Variants in VAV3 observed in about 807,000 individuals in gnomAD.
The protein encoded by VAV3 is vav guanine nucleotide exchange factor 3, also known as guanine nucleotide exchange factor VAV3.
A neutral mutation model predicts 131.2 loss-of-function variants in VAV3; 94 were observed. The ratio of observed to expected loss-of-function variants is 0.72; its 90% CI spans 0.61 to 0.85. VAV3 has a LOEUF of 0.85. Among genes scored for constraint, VAV3 ranks in the 40% least tolerant of loss-of-function variants. The pLI is 0.00. For synonymous variants in VAV3, 349 were observed against 342.0 expected, an observed-to-expected ratio of 1.02 and a Z score of -0.22; for missense variants, 939 against 1,002.7, an observed-to-expected ratio of 0.94 and a Z score of 0.86.
chr1:107,928,894 TATA>T (rs980982967), intron 1 of VAV3, among the ~76,000 whole-genome samples: 2 of 152,006 alleles, frequency 1.3e-5, no homozygotes, highest in African/African-American at 2.4e-5. Flanking sequence ...GATATCCAAG[TATA>T]ATAAGGTTCT....
intron 6 of VAV3, among the ~76,000 whole-genome samples, chr1:107,770,172 G>A (rs1664959954): frequency 6.6e-6 from 1 of 152,064 alleles, no homozygotes; most frequent in African/African-American, 2.4e-5. Context: ...TCTCGGGAAT[G>A]ATCTTCATTG....
At chr1:107,742,898 T>C (rs1470509183) in intron 15 of VAV3, among the ~76,000 whole-genome samples, 1 of 152,134 alleles carries the variant, frequency 6.6e-6, no homozygotes, top group Non-Finnish European at 1.5e-5. Flanking sequence ...TATTACTCAC[T>C]TAGCATAGGG....
chr1:107,660,317 C>T (rs1315583757), intron 19 of VAV3, among the ~76,000 whole-genome samples: 1 of 152,168 alleles, frequency 6.6e-6, no homozygotes, highest in African/African-American at 2.4e-5. Flanking sequence ...TTTTCTGCTA[C>T]ACAGTTATAT....
At chr1:107,736,122 A>G (rs1040654515) in intron 15 of VAV3, among the ~76,000 whole-genome samples, 1 of 152,228 alleles carries the variant, frequency 6.6e-6, no homozygotes. Flanking sequence ...GATTATCTCA[A>G]TAGATGCAGA....
intron 15 of VAV3, among the ~76,000 whole-genome samples, chr1:107,706,813 A>T (rs997068642): frequency 2.6e-5 from 4 of 152,176 alleles, no homozygotes; most frequent in African/African-American, 7.2e-5. Flanking sequence ...AAATTCATCA[A>T]CCTGGAGTTT....
intron 20 of VAV3, among the ~76,000 whole-genome samples, chr1:107,638,869 C>G (rs946046379): frequency 1.3e-5 from 2 of 151,862 alleles, no homozygotes; most frequent in Non-Finnish European, 2.9e-5. Context: ...CAGAAACAGA[C>G]CTACATATAC....
intron 1 of VAV3, among the ~76,000 whole-genome samples, chr1:107,928,009 G>A (rs1279418365): frequency 1.3e-5 from 2 of 152,166 alleles, no homozygotes; most frequent in Non-Finnish European, 2.9e-5. Flanking sequence ...AGTCCCGGTG[G>A]TGGTAGCCAG....
Position 107,857,999 on chromosome 1 carries a change from T to C in VAV3, c.321+16902A>G, listed in dbSNP as rs370028055. 7.2e-5 allele frequency among the ~76,000 whole-genome samples: 11 copies of C among 152,318 alleles called. No homozygotes were observed. The South Asian group carries it at 2.1e-3, about 29-fold the overall frequency. On this transcript the variant is annotated intron_variant, in intron 2 of 26. Coordinates refer to ENST00000370056, the MANE Select transcript of VAV3 (RefSeq NM_006113.5). ...TAACAAGTAATATATAGTAACAACA[T>C]AGGTAAAGAAAATGTTAATCCTGAA... is the stretch of plus-strand genomic sequence containing the variant.
At chr1:107,605,955 T>C (rs1412701141) in intron 22 of VAV3, among the ~76,000 whole-genome samples, 1 of 152,204 alleles carries the variant, frequency 6.6e-6, no homozygotes, top group Non-Finnish European at 1.5e-5. Flanking sequence ...TAATTTTCTC[T>C]GGAGCCTTTT....
chr1:107,850,044 G>A (rs1669148772), intron 2 of VAV3, among the ~76,000 whole-genome samples: 1 of 152,126 alleles, frequency 6.6e-6, no homozygotes, highest in Non-Finnish European at 1.5e-5. Context: ...CAGTTAGAAT[G>A]GCAATCATTA....
intron 1 of VAV3, among the ~76,000 whole-genome samples, chr1:107,916,695 A>C (rs1672636499): frequency 6.6e-6 from 1 of 152,202 alleles, no homozygotes; most frequent in Admixed American, 6.5e-5. Flanking sequence ...GGATGGTTGG[A>C]GTGTCTCTTT....
intron 1 of VAV3, among the ~76,000 whole-genome samples, chr1:107,886,469 G>T (rs1395154358): frequency 1.3e-5 from 2 of 152,196 alleles, no homozygotes; most frequent in Non-Finnish European, 2.9e-5. Context: ...CTAGACTTGT[G>T]TTCCATTCTA....
intron 2 of VAV3, among the ~76,000 whole-genome samples, chr1:107,812,538 G>T (rs1294691315): frequency 6.6e-6 from 1 of 151,740 alleles, no homozygotes; most frequent in African/African-American, 2.4e-5. Context: ...ATATATACAG[G>T]ACTATTTTTA....
At chr1:107,771,254 T>C (rs916383819) in intron 5 of VAV3, among the ~76,000 whole-genome samples, 1 of 53,510 alleles carries the variant, frequency 1.9e-5, no homozygotes, top group African/African-American at 6.8e-5. Context: ...TCTTGTCAGC[T>C]TTTTTTTTTT....
Position 107,597,413 on chromosome 1 carries a change from T to C in VAV3, c.2221-1072A>G, listed in dbSNP as rs116030215. 5.8e-3 allele frequency among the ~76,000 whole-genome samples: 884 copies of C among 152,288 alleles called. 9 individuals are homozygous for C. The highest frequency in any genetic ancestry group is 0.02 in the African/African-American group (850 of 41,558). ...TATTTATGACAAAACTTGAGTATGTTGTGGAATGCACTGTACCAGGAGCTT... is the reference window on the plus strand; with the variant it reads ...TATTTATGACAAAACTTGAGTATGTCGTGGAATGCACTGTACCAGGAGCTT... On this transcript the variant is annotated intron_variant, in intron 24 of 26. Coordinates refer to ENST00000370056, the MANE Select transcript of VAV3 (RefSeq NM_006113.5).
chr1:107,734,756 T>C (rs1165207530), intron 15 of VAV3, among the ~76,000 whole-genome samples: 1 of 152,030 alleles, frequency 6.6e-6, no homozygotes, highest in Admixed American at 6.6e-5. Context: ...CACACAACAA[T>C]AGGAGACTTT....
chr1:107,946,080 G>T (rs1334273311), intron 1 of VAV3, among the ~76,000 whole-genome samples: 2 of 152,124 alleles, frequency 1.3e-5, no homozygotes. Flanking sequence ...TTACAAAGGG[G>T]TTCACTCGAT....
chr1:107,817,751 A>G (rs926812095), intron 2 of VAV3, among the ~76,000 whole-genome samples: 12 of 152,146 alleles, frequency 7.9e-5, no homozygotes, highest in African/African-American at 2.9e-4. Flanking sequence ...ACCAGACAGG[A>G]CCACATCAGT....
At chr1:107,777,326 AAAAC>A (rs765690841) in intron 3 of VAV3, 30 bp from the exon 4 acceptor site, 21 of 1,602,268 alleles carry the variant, frequency 1.3e-5, no homozygotes, top group African/African-American at 4.0e-5. Flanking sequence ...CAAAAACAAA[AAAAC>A]AAACCCATGA....
Sources: allele counts gnomAD v4.1 joint callset (sites outside exome capture counted in the v4.1 genomes callset), GRCh38; gene constraint gnomAD v4.1.1; transcripts MANE v1.5; gene names NCBI Gene and HGNC (gene_info 2026-07-23, HGNC 2026-07-21).